The following CACNA2D1 variants were observed in gnomAD, a reference collection of about 807,000 sequenced individuals.
The protein encoded by CACNA2D1 is voltage-dependent calcium channel subunit alpha-2/delta-1.
In CACNA2D1, 53 loss-of-function variants were observed where a neutral mutation model predicts 171.5. The observed-to-expected ratio is 0.31, with a 90% CI of 0.25 to 0.39. CACNA2D1 has a LOEUF of 0.39. Ranked by LOEUF, CACNA2D1 falls within the 10% of genes least tolerant of loss-of-function variation. The pLI is 1.00. For synonymous variants in CACNA2D1, 442 were observed against 443.1 expected (o/e 1.00, Z 0.03); for missense variants, 903 against 1,299.8 (o/e 0.69, Z 4.69).
At position 81,959,700 on chromosome 7, in the gene CACNA2D1, G is replaced by GCTCTGATGTCAAAGGATAC. The variant is rs1470920893; in HGVS notation, c.3076+1_3076+19dup. ...TTAAGATGGTTTTCCTTTCCAGATA[G>GCTCTGATGTCAAAGGATAC]CTCTGATGTCAAAGGATACAAGTCT... On this transcript the variant is annotated intron_variant, in intron 37 of 38. Coordinates refer to ENST00000356860, the MANE Select transcript of CACNA2D1 (RefSeq NM_000722.4). 8 of 1,606,686 alleles carry GCTCTGATGTCAAAGGATAC rather than the reference G, an allele frequency of 5.0e-6. No individual in the cohort carries two copies. Among genetic ancestry groups the GCTCTGATGTCAAAGGATAC allele is most frequent in the Non-Finnish European group, 6.8e-6 (8 of 1,174,984 alleles).
At position 82,209,793 on chromosome 7, in the gene CACNA2D1, T is replaced by C. The variant is rs556828337; in HGVS notation, c.295-39184A>G. On this transcript the variant is annotated intron_variant, in intron 3 of 38. Transcript: ENST00000356860. ...CCCCTACATAGCCGGTGCCACATTT[T>C]TGCGCTGTGTGAATCAAATAAATCT... is the stretch of plus-strand genomic sequence containing the variant. Among the ~76,000 whole-genome samples the C allele has an allele frequency of 1.5e-3, 225 of 152,292 alleles. 3 individuals are homozygous for C. Among genetic ancestry groups the C allele is most frequent in the African/African-American group, 5.2e-3 (216 of 41,568 alleles).
At chr7:81,970,986 C>A (rs113462825) in intron 26 of CACNA2D1, 7 of 482,306 alleles carry the variant, frequency 1.5e-5, no homozygotes, top group African/African-American at 9.8e-5. Flanking sequence ...AGCAATGACA[C>A]AGAAAGCAGG....
At chr7:82,083,701 T>C (rs866634711) in intron 7 of CACNA2D1, among the ~76,000 whole-genome samples, 1 of 152,180 alleles carries the variant, frequency 6.6e-6, no homozygotes, top group African/African-American at 2.4e-5. Flanking sequence ...AAATTATTAC[T>C]GATTTTACCA....
intron 2 of CACNA2D1, among the ~76,000 whole-genome samples, chr7:82,347,970 A>C (rs1199626910): frequency 1.3e-5 from 2 of 152,120 alleles, no homozygotes; most frequent in Non-Finnish European, 2.9e-5. Flanking sequence ...AGAAAAAAAA[A>C]GTTTCACATA....
At chr7:82,291,579 A>G (rs1251687704) in intron 3 of CACNA2D1, among the ~76,000 whole-genome samples, 1 of 141,848 alleles carries the variant, frequency 7.0e-6, no homozygotes, top group Non-Finnish European at 1.5e-5. Flanking sequence ...ATATTTATAT[A>G]TACTAGATAT....
At chr7:82,036,876 G>A (rs941644382) in intron 11 of CACNA2D1, among the ~76,000 whole-genome samples, 1 of 152,088 alleles carries the variant, frequency 6.6e-6, no homozygotes, top group African/African-American at 2.4e-5. Flanking sequence ...TACCAGATGT[G>A]GGCTAGTAAT....
intron 3 of CACNA2D1, among the ~76,000 whole-genome samples, chr7:82,325,546 T>C (rs1439890582): frequency 6.6e-6 from 1 of 152,168 alleles, no homozygotes; most frequent in Non-Finnish European, 1.5e-5. Flanking sequence ...AAATAAATTT[T>C]GGCTAAGATT....
At chr7:82,299,039 G>A (rs1261849637) in intron 3 of CACNA2D1, among the ~76,000 whole-genome samples, 2 of 144,054 alleles carry the variant, frequency 1.4e-5, no homozygotes, top group South Asian at 4.4e-4. Context: ...CCCAGCCTGG[G>A]TGAAAAGAGC....
chr7:82,265,411 C>CCTCT (rs1807696925), intron 3 of CACNA2D1, among the ~76,000 whole-genome samples: 1 of 93,942 alleles, frequency 1.1e-5, no homozygotes, highest in Non-Finnish European at 2.4e-5. Context: ...AACAATTTTT[C>CCTCT]CTTTCTTTTT....
Position 82,121,051 on chromosome 7 carries a change from T to TTTTG in CACNA2D1, c.397-3882_397-3879dup, listed in dbSNP as rs148711047. ...CACACAGAGGAAAAGCCTTGTGATT[T>TTTTG]TTTGTTTGTTTGTTTGTTTTGTTTT... is the stretch of plus-strand genomic sequence containing the variant. On this transcript the variant is annotated intron_variant, in intron 5 of 38. Coordinates refer to ENST00000356860, the MANE Select transcript of CACNA2D1 (RefSeq NM_000722.4). 7.9e-5 allele frequency among the ~76,000 whole-genome samples: 12 copies of TTTTG among 151,966 alleles called. No homozygotes were observed. In the South Asian group the frequency reaches 8.3e-4, roughly 11 times the overall value.
At position 82,262,338 on chromosome 7, in the gene CACNA2D1, A is replaced by AATCC. The variant is rs1195454411; in HGVS notation, c.294+72793_294+72796dup. ...AGAGTGAGACTCTGTCTCAAAAATC[A>AATCC]ATCCATCCATCCATCCATCAATCAA... On this transcript the variant is annotated intron_variant, in intron 3 of 38. Transcript: ENST00000356860. Among the ~76,000 whole-genome samples, 10 of 152,246 alleles carry AATCC rather than the reference A, an allele frequency of 6.6e-5. No homozygotes were observed. In the South Asian group the frequency reaches 8.3e-4, roughly 13 times the overall value.
chr7:82,114,186 AT>A (rs1167509967), intron 6 of CACNA2D1, among the ~76,000 whole-genome samples: 1 of 152,188 alleles, frequency 6.6e-6, no homozygotes. Context: ...CTATGTAAAC[AT>A]TTTTAAAAAA....
chr7:82,138,458 T>G (rs1223441629), intron 4 of CACNA2D1, among the ~76,000 whole-genome samples: 4 of 133,396 alleles, frequency 3.0e-5, no homozygotes, highest in East Asian at 2.3e-4. Context: ...TGTTTTTTTT[T>G]TTTTTTGAGA....
chr7:82,063,237 A>G (rs28538735), intron 9 of CACNA2D1, among the ~76,000 whole-genome samples: 1,932 of 152,312 alleles, frequency 0.013, 37 homozygotes, highest in African/African-American at 0.044. Flanking sequence ...TATACATCCA[A>G]CAGGATTATA....
At chr7:82,128,018 G>A (rs1337352959) in intron 5 of CACNA2D1, among the ~76,000 whole-genome samples, 1 of 152,036 alleles carries the variant, frequency 6.6e-6, no homozygotes, top group African/African-American at 2.4e-5. Flanking sequence ...CGACCTACTG[G>A]GCTCAAGCAA....
At chr7:82,160,396 A>G (rs1032043873) in intron 4 of CACNA2D1, among the ~76,000 whole-genome samples, 1 of 152,134 alleles carries the variant, frequency 6.6e-6, no homozygotes, top group Non-Finnish European at 1.5e-5. Context: ...TCATAAAAGT[A>G]TTGCTGATAA....
chr7:81,978,679 T>C (rs867113908), intron 24 of CACNA2D1, among the ~76,000 whole-genome samples: 1 of 151,604 alleles, frequency 6.6e-6, no homozygotes, highest in African/African-American at 2.4e-5. Flanking sequence ...CTACAGTACA[T>C]GTATAACTAT....
rs59290672 is a variant in CACNA2D1 at position 82,402,705 on chromosome 7, C to CA, written c.95+40659dup. Reference sequence around the variant, plus strand: ...AGGGCAATACAGCAAGACTCTGTCTCAAAAAAAAAAAAAAAAAAAAAAAAA... The same window carrying CA: ...AGGGCAATACAGCAAGACTCTGTCTCAAAAAAAAAAAAAAAAAAAAAAAAAA... On this transcript the variant is annotated intron_variant, in intron 1 of 38. Transcript: ENST00000356860. Among the ~76,000 whole-genome samples, 426 of 64,814 alleles carry CA rather than the reference C, an allele frequency of 6.6e-3. 7 individuals carry two copies. The highest frequency in any genetic ancestry group is 0.015 in the East Asian group (30 of 1,984). 42.5% of individuals were successfully genotyped at this position (64,814 alleles called of 152,430 possible).
intron 4 of CACNA2D1, among the ~76,000 whole-genome samples, chr7:82,160,853 C>T (rs922767592): frequency 6.6e-6 from 1 of 152,050 alleles, no homozygotes; most frequent in Non-Finnish European, 1.5e-5. Flanking sequence ...GACTAAAAAT[C>T]TTATTTGCCT....
Sources: allele counts gnomAD v4.1 joint callset (sites outside exome capture counted in the v4.1 genomes callset), GRCh38; gene constraint gnomAD v4.1.1; transcripts MANE v1.5; gene names NCBI Gene and HGNC (gene_info 2026-07-23, HGNC 2026-07-21).